Variants in DNMT3A observed in about 807,000 individuals in gnomAD.
DNMT3A encodes the protein DNA methyltransferase 3 alpha.
Under a neutral mutation model 117.6 loss-of-function variants are expected in DNMT3A, and 267 were observed. The observed-to-expected ratio is 2.27, with a 90% CI of 2.05 to 2.51. The LOEUF is 2.51. DNMT3A is among the 30% of genes most tolerant of loss of function. The pLI is 0.00. For missense variants in DNMT3A, 1,029 were observed against 1,260.2 expected (o/e 0.82, Z 2.78); for synonymous variants, 432 against 474.8 (o/e 0.91, Z 1.17).
intron 3 of DNMT3A, among the ~76,000 whole-genome samples, chr2:25,284,341 T>C (rs2032120068): frequency 6.6e-6 from 1 of 151,920 alleles, no homozygotes; most frequent in South Asian, 2.1e-4. Context: ...GTCAGTCACA[T>C]ATATCATAAA....
rs1007892763 is a variant in DNMT3A, at chr2:25,254,913, C to G, written c.640-6661G>C. Among the ~76,000 whole-genome samples, 1 of 152,222 alleles carries G rather than the reference C, an allele frequency of 6.6e-6. No homozygotes were observed. Among genetic ancestry groups the G allele is most frequent in the South Asian group, 2.1e-4 (1 of 4,828 alleles). ...GGTGTCAGAACTGGCCAGAACTGTT[C>G]ACTTTCTCTTGGCCACATATTAGGT... is the stretch of plus-strand genomic sequence containing the variant. On this transcript the variant is annotated intron_variant, in intron 6 of 22. Transcript: ENST00000321117. The surrounding 1 kb of genome is among the most constrained non-coding windows in gnomAD (Gnocchi z 4.7).
Position 25,252,277 on chromosome 2 carries a change from G to T in DNMT3A, c.640-4025C>A. On this transcript the variant is annotated intron_variant, in intron 6 of 22. Coordinates refer to ENST00000321117, the MANE Select transcript of DNMT3A (RefSeq NM_022552.5). The surrounding 1 kb of genome is among the most constrained non-coding windows in gnomAD (Gnocchi z 5.5). ...AGCTCTGGAAGTAGCTGCCCGTCTT[G>T]GGGGAGGGGAAGGGGGCGATGGGGC... is the stretch of plus-strand genomic sequence containing the variant. The T allele has an allele frequency of 1.4e-6, 2 of 1,469,040 alleles. No individual in the cohort carries two copies. The highest frequency in any genetic ancestry group is 2.9e-5 in the East Asian group (1 of 34,970). 91.0% of individuals were successfully genotyped at this position (1,469,040 alleles called of 1,614,324 possible).
intron 6 of DNMT3A, among the ~76,000 whole-genome samples, chr2:25,250,934 A>T (rs1269726687): frequency 6.6e-6 from 1 of 151,514 alleles, no homozygotes; most frequent in Non-Finnish European, 1.5e-5. Flanking sequence ...CACCCTCAGC[A>T]CTCCCCCACG....
chr2:25,271,876 G>C (rs576020474), intron 6 of DNMT3A, among the ~76,000 whole-genome samples: 4 of 152,362 alleles, frequency 2.6e-5, no homozygotes, highest in Non-Finnish European at 2.9e-5. Context: ...AAGGGTTGAA[G>C]ACTTACTAGA....
chr2:25,305,140 C>T lies in DNMT3A; in HGVS notation c.73-4897G>A, dbSNP rs1367650082. The stretch of plus-strand genomic sequence containing the variant: ...AGACACACGTACAAATCTACAAACC[C>T]GTACAAATACAACTGTGTACGAGGT... On this transcript the variant is annotated intron_variant, in intron 2 of 22. Transcript: ENST00000321117. This position sits in a 1 kb window ranked among gnomAD's most constrained non-coding sequence, Gnocchi z 4.1. Among the ~76,000 whole-genome samples the T allele has an allele frequency of 1.3e-5, 2 of 152,246 alleles. No individual in the cohort carries two copies. The highest frequency in any genetic ancestry group is 4.8e-5 in the African/African-American group (2 of 41,474).
intron 3 of DNMT3A, among the ~76,000 whole-genome samples, chr2:25,283,982 C>A (rs2032088462): frequency 6.6e-6 from 1 of 152,216 alleles, no homozygotes; most frequent in Non-Finnish European, 1.5e-5. Context: ...CTGCTGTGTG[C>A]TCTGCTGTGT....
intron 2 of DNMT3A, among the ~76,000 whole-genome samples, chr2:25,301,011 C>T (rs189281237): frequency 1.6e-3 from 248 of 151,786 alleles, no homozygotes; most frequent in African/African-American, 5.7e-3. Flanking sequence ...TGGCTCACGC[C>T]TATGATCCTA....
chr2:25,336,683 A>T (rs1038904819), intron 1 of DNMT3A, among the ~76,000 whole-genome samples: 6 of 151,560 alleles, frequency 4.0e-5, no homozygotes, highest in Non-Finnish European at 7.4e-5. Flanking sequence ...GGCAGTTCAG[A>T]GCGATCCTCC....
chr2:25,264,368 G>A (rs2030045314), intron 6 of DNMT3A, among the ~76,000 whole-genome samples: 1 of 151,846 alleles, frequency 6.6e-6, no homozygotes, highest in Non-Finnish European at 1.5e-5. Context: ...TCGAATTCCT[G>A]GCCTCAAGAG....
At chr2:25,239,707 T>TA (rs1038293495) in intron 19 of DNMT3A, among the ~76,000 whole-genome samples, 5 of 152,058 alleles carry the variant, frequency 3.3e-5, no homozygotes, top group African/African-American at 9.7e-5. Flanking sequence ...TGCTCACACT[T>TA]ACAGTCAGAA....
intron 1 of DNMT3A, among the ~76,000 whole-genome samples, chr2:25,323,763 C>G (rs766747422): frequency 1.3e-5 from 2 of 152,208 alleles, no homozygotes; most frequent in African/African-American, 4.8e-5. Context: ...TAAGCTCCTC[C>G]GACATGCCAG....
At position 25,239,350 on chromosome 2, in the gene DNMT3A, A is replaced by G; in HGVS notation, c.2323-135T>C. 8.2e-6 allele frequency: 6 copies of G among 733,282 alleles called. 1 individual carries two copies. In the East Asian group the frequency reaches 1.7e-4, roughly 20 times the overall value. The allele number at this position is 733,282 out of a possible 1,614,324, so 45.4% of individuals were successfully genotyped here. A position where few individuals can be genotyped will look rare whatever the true frequency, so the allele number is the denominator to read the frequency against. On this transcript the variant is annotated intron_variant, in intron 19 of 22. Coordinates refer to ENST00000321117, the MANE Select transcript of DNMT3A (RefSeq NM_022552.5). ...GGAGCCACACACTGGGCTAGCCTGC[A>G]GCCTCCAGGAGAAGCTGGAATTACA...
chr2:25,307,911 T>C (rs1200605876), intron 2 of DNMT3A, among the ~76,000 whole-genome samples: 1 of 152,198 alleles, frequency 6.6e-6, no homozygotes, highest in Non-Finnish European at 1.5e-5. Flanking sequence ...CCTAGGCCCC[T>C]GAAGGGATCT....
intron 12 of DNMT3A, among the ~76,000 whole-genome samples, chr2:25,245,669 T>C (rs1196298593): frequency 6.6e-6 from 1 of 151,966 alleles, no homozygotes; most frequent in Admixed American, 6.6e-5. Flanking sequence ...AGGCCGAGGG[T>C]CCTGAGCCAG....
At position 25,246,974 on chromosome 2, in the gene DNMT3A, A is replaced by AG. The variant is rs3216706; in HGVS notation, c.1122+76dup. 357 of 1,545,314 alleles carry AG rather than the reference A, an allele frequency of 2.3e-4. 7 individuals carry two copies. In the East Asian group the frequency reaches 8.3e-3, roughly 36 times the overall value. On this transcript the variant is annotated intron_variant, in intron 9 of 22. Coordinates refer to ENST00000321117, the MANE Select transcript of DNMT3A (RefSeq NM_022552.5). ...GCCTCCTGGGCCTCCGTTCTGCTCA[A>AG]GCCCGACCTGCACTCCAACTTCCAG... is the stretch of plus-strand genomic sequence containing the variant.
At position 25,247,161 on chromosome 2, in the gene DNMT3A, G is replaced by C. The variant is rs779112980; in HGVS notation, c.1015-3C>G. On this transcript the variant is annotated splice_polypyrimidine_tract_variant and splice_region_variant and intron_variant, in intron 8 of 22. Transcript: ENST00000321117. The surrounding 1 kb of genome is among the most constrained non-coding windows in gnomAD (Gnocchi z 5.6). ...GGCATCAGCTTCTCAACACACACCT[G>C]GGGGGACAAGCCAGGCCTTGTTTGC... 1.2e-6 allele frequency: 2 copies of C among 1,613,390 alleles called. No individual in the cohort carries two copies. The highest frequency in any genetic ancestry group is 1.7e-6 in the Non-Finnish European group (2 of 1,179,606).
Position 25,337,852 on chromosome 2 carries a change from T to C in DNMT3A, c.-178+3974A>G, listed in dbSNP as rs1259485290. Among the ~76,000 whole-genome samples, 6 of 152,222 alleles carry C rather than the reference T, an allele frequency of 3.9e-5. No individual in the cohort carries two copies. The highest frequency in any genetic ancestry group is 6.5e-5 in the Admixed American group (1 of 15,286). On this transcript the variant is annotated intron_variant, in intron 1 of 22. Coordinates refer to ENST00000321117, the MANE Select transcript of DNMT3A (RefSeq NM_022552.5). This position sits in a 1 kb window ranked among gnomAD's most constrained non-coding sequence, Gnocchi z 5.0. ...GTGGAAAGGGATCTGGCACCTTTAG[T>C]AGACCATTAAAGCCCTGCTCAGGAA...
At chr2:25,270,937 T>A (rs1173239106) in intron 6 of DNMT3A, among the ~76,000 whole-genome samples, 7 of 151,796 alleles carry the variant, frequency 4.6e-5, no homozygotes, top group Non-Finnish European at 1.5e-5. Context: ...GGCAGGAGAA[T>A]CGCTTGAACC....
rs576946237 is a variant in DNMT3A at position 25,247,563 on chromosome 2, C to G, written c.1014+28G>C. 1.2e-6 allele frequency: 2 copies of G among 1,608,972 alleles called. No individual in the cohort carries two copies. The highest frequency in any genetic ancestry group is 1.1e-5 in the South Asian group (1 of 90,734). ...TGGGATCAAGAACCTTCCCCCACCC[C>G]AGGCTACTGCCAAACCCCACAACTT... On this transcript the variant is annotated intron_variant, in intron 8 of 22. Coordinates refer to ENST00000321117, the MANE Select transcript of DNMT3A (RefSeq NM_022552.5). This position sits in a 1 kb window ranked among gnomAD's most constrained non-coding sequence, Gnocchi z 5.6.
Sources: allele counts gnomAD v4.1 joint callset (sites outside exome capture counted in the v4.1 genomes callset), GRCh38; gene constraint gnomAD v4.1.1; non-coding constraint Gnocchi (gnomAD v3.1); transcripts MANE v1.5; gene names NCBI Gene and HGNC (gene_info 2026-07-23, HGNC 2026-07-21).